RCAN2: variants seen among roughly 807,000 people sequenced by gnomAD.
RCAN2 encodes regulator of calcineurin 2.
A neutral mutation model predicts 23.6 loss-of-function variants in RCAN2; 9 were observed. The ratio of observed to expected loss-of-function variants is 0.38; its 90% CI spans 0.23 to 0.67. RCAN2 has a LOEUF of 0.67. Ranked by LOEUF, RCAN2 falls within the 30% of genes least tolerant of loss-of-function variation. The pLI, the probability that RCAN2 is intolerant of heterozygous loss-of-function variation, is 0.51. For synonymous variants in RCAN2, 109 were observed against 115.7 expected (o/e 0.94, Z 0.37); for missense variants, 273 against 302.3 (o/e 0.90, Z 0.72).
rs1349117988 is a variant in RCAN2 at position 46,387,916 on chromosome 6, T to C, written c.225+68836A>G. 3.9e-5 allele frequency among the ~76,000 whole-genome samples: 6 copies of C among 152,262 alleles called. No homozygotes were observed. In the East Asian group the frequency reaches 9.6e-4, roughly 24 times the overall value. ...GGCACATATAAACCATGGAATACTA[T>C]GCAGCCATAAAAAAGGATGAGTTCA... On this transcript the variant is annotated intron_variant, in intron 2 of 4. Transcript: ENST00000371374.
rs1240948992 is a variant in RCAN2, at chr6:46,233,721, C to CTTTTTT, written c.572-10426_572-10421dup. On this transcript the variant is annotated intron_variant, in intron 4 of 4. Transcript: ENST00000371374. ...TCCCTGGCTGAGATGAAGAACACTTCTTTTTTTTTTTTTTTTTTCTTGAGA... is the reference window on the plus strand; with the variant it reads ...TCCCTGGCTGAGATGAAGAACACTTCTTTTTTTTTTTTTTTTTTTTTTTTCTTGAGA... Among the ~76,000 whole-genome samples, 13 of 130,744 alleles carry CTTTTTT rather than the reference C, an allele frequency of 9.9e-5. 1 individual carries two copies. The highest frequency in any genetic ancestry group is 1.6e-4 in the Admixed American group (2 of 12,814). 85.8% of individuals were successfully genotyped at this position (130,744 alleles called of 152,430 possible). A position where few individuals can be genotyped will look rare whatever the true frequency, so the allele number is the denominator to read the frequency against.
intron 2 of RCAN2, among the ~76,000 whole-genome samples, chr6:46,302,860 T>C (rs1439867857): frequency 6.6e-6 from 1 of 152,060 alleles, no homozygotes; most frequent in Non-Finnish European, 1.5e-5. Context: ...CCTTATTTTA[T>C]GGATGATAAA....
At chr6:46,375,192 G>A (rs754072918) in intron 2 of RCAN2, among the ~76,000 whole-genome samples, 7 of 152,322 alleles carry the variant, frequency 4.6e-5, no homozygotes, top group Non-Finnish European at 8.8e-5. Context: ...TGATCTGCCT[G>A]CCTTGGCCTC....
intron 2 of RCAN2, among the ~76,000 whole-genome samples, chr6:46,369,085 T>C (rs1389127346): frequency 6.6e-6 from 1 of 152,210 alleles, no homozygotes; most frequent in Non-Finnish European, 1.5e-5. Flanking sequence ...TTTTTTACTA[T>C]TGAAATTTTT....
chr6:46,324,986 G>GC (rs1763743374), intron 2 of RCAN2, among the ~76,000 whole-genome samples: 1 of 152,360 alleles, frequency 6.6e-6, no homozygotes, highest in South Asian at 2.1e-4. Context: ...AAGGGTTATT[G>GC]CCCCACTGTC....
At chr6:46,397,931 G>T (rs1766143122) in intron 2 of RCAN2, among the ~76,000 whole-genome samples, 1 of 152,108 alleles carries the variant, frequency 6.6e-6, no homozygotes, top group South Asian at 2.1e-4. Context: ...CAGGTAAATA[G>T]ACTTATTTAA....
chr6:46,461,758 T>C (rs1451761767), intron 1 of RCAN2, among the ~76,000 whole-genome samples: 1 of 152,152 alleles, frequency 6.6e-6, no homozygotes, highest in Admixed American at 6.5e-5. Context: ...GCTAATTTTG[T>C]ATTTTTTAGT....
chr6:46,266,370 T>C (rs1281053870), intron 2 of RCAN2, among the ~76,000 whole-genome samples: 1 of 152,212 alleles, frequency 6.6e-6, no homozygotes, highest in African/African-American at 2.4e-5. Context: ...ATTATTATCA[T>C]GTTATCTGCA....
At chr6:46,327,957 G>A (rs1416171197) in intron 2 of RCAN2, among the ~76,000 whole-genome samples, 5 of 152,284 alleles carry the variant, frequency 3.3e-5, no homozygotes, top group South Asian at 2.1e-4. Flanking sequence ...CAAAGTCCAC[G>A]TGTGCCCAGA....
chr6:46,422,193 C>T lies in RCAN2; in HGVS notation c.225+34559G>A, dbSNP rs1221952795. 5.3e-5 allele frequency among the ~76,000 whole-genome samples: 8 copies of T among 152,164 alleles called. No individual in the cohort carries two copies. The South Asian group carries it at 1.2e-3, about 24-fold the overall frequency. On this transcript the variant is annotated intron_variant, in intron 2 of 4. Coordinates refer to ENST00000371374, the MANE Select transcript of RCAN2 (RefSeq NM_001251974.2). ...AGTGAGTTCTCACTGTTAGTTCCTGCGAGAGTTCTCCTGCCAGCTGGTTGT... is the reference window on the plus strand; with the variant it reads ...AGTGAGTTCTCACTGTTAGTTCCTGTGAGAGTTCTCCTGCCAGCTGGTTGT...
chr6:46,303,399 T>G (rs1047770320), intron 2 of RCAN2, among the ~76,000 whole-genome samples: 1 of 152,036 alleles, frequency 6.6e-6, no homozygotes, highest in East Asian at 1.9e-4. Context: ...CAGTTAAAAT[T>G]TGAAGGCCAG....
At chr6:46,413,263 A>T (rs889306082) in intron 2 of RCAN2, among the ~76,000 whole-genome samples, 3 of 152,228 alleles carry the variant, frequency 2.0e-5, no homozygotes, top group Non-Finnish European at 4.4e-5. Flanking sequence ...TATGAATGAA[A>T]ATAAAATAAG....
At chr6:46,277,356 T>C (rs1340466627) in intron 2 of RCAN2, among the ~76,000 whole-genome samples, 1 of 152,310 alleles carries the variant, frequency 6.6e-6, no homozygotes, top group Admixed American at 6.5e-5. Flanking sequence ...GCTTTTTCTA[T>C]AGGTAGATGA....
At chr6:46,238,633 A>T (rs1766191533) in intron 4 of RCAN2, among the ~76,000 whole-genome samples, 1 of 152,218 alleles carries the variant, frequency 6.6e-6, no homozygotes, top group Non-Finnish European at 1.5e-5. Flanking sequence ...AGCTCACTGC[A>T]GCTTTGACCT....
intron 2 of RCAN2, among the ~76,000 whole-genome samples, chr6:46,427,308 A>T (rs1223016152): frequency 6.6e-6 from 1 of 152,210 alleles, no homozygotes; most frequent in African/African-American, 2.4e-5. Flanking sequence ...TACTGGTTAC[A>T]TGCATGGGCT....
chr6:46,437,125 G>C lies in RCAN2; in HGVS notation c.225+19627C>G, dbSNP rs187899404. ...CATTAGTACTCTTACGGGCTTGAAA[G>C]TGCCACGTAAAATAAATTGATCCTA... On this transcript the variant is annotated intron_variant, in intron 2 of 4. Coordinates refer to ENST00000371374, the MANE Select transcript of RCAN2 (RefSeq NM_001251974.2). Among the ~76,000 whole-genome samples, 115 of 152,296 alleles carry C rather than the reference G, an allele frequency of 7.6e-4. 1 individual carries two copies. Among genetic ancestry groups the C allele is most frequent in the Non-Finnish European group, 1.4e-3 (98 of 68,028 alleles).
At chr6:46,316,201 CACT>C (rs771920822) in intron 2 of RCAN2, among the ~76,000 whole-genome samples, 46 of 152,258 alleles carry the variant, frequency 3.0e-4, no homozygotes, top group Admixed American at 9.8e-4. Flanking sequence ...GTACAAAGTC[CACT>C]ACTACTGAGG....
chr6:46,397,982 C>T (rs576164613), intron 2 of RCAN2, among the ~76,000 whole-genome samples: 2 of 152,178 alleles, frequency 1.3e-5, no homozygotes, highest in Admixed American at 6.5e-5. Flanking sequence ...TTTCTCATGG[C>T]CGAAAACTGG....
chr6:46,355,901 A>C (rs1484712669), intron 2 of RCAN2, among the ~76,000 whole-genome samples: 1 of 152,214 alleles, frequency 6.6e-6, no homozygotes, highest in Non-Finnish European at 1.5e-5. Flanking sequence ...TGTGTGGCTA[A>C]GGAACCTCAT....
Sources: gnomAD v4.1 joint callset for allele counts (sites outside exome capture counted in the v4.1 genomes callset) on GRCh38, gnomAD v4.1.1 for gene constraint, MANE v1.5 for transcripts, NCBI Gene and HGNC (gene_info 2026-07-23, HGNC 2026-07-21) for gene names.